MSRA: variants seen among roughly 807,000 people sequenced by gnomAD.
The protein encoded by MSRA is mitochondrial peptide methionine sulfoxide reductase.
MSRA carries 54 observed loss-of-function variants against 31.3 expected under a neutral mutation model. That is an observed-to-expected ratio of 1.73 (90% confidence interval 1.39 to 2.17). MSRA has a LOEUF of 2.17. Ranked by LOEUF, MSRA falls within the 30% of genes most tolerant of loss-of-function variation. MSRA has a pLI of 0.00. For synonymous variants in MSRA, 169 were observed against 116.5 expected, an observed-to-expected ratio of 1.45 and a Z score of -2.90; for missense variants, 507 against 300.9, an observed-to-expected ratio of 1.69 and a Z score of -5.07.
rs976013928 is a variant in MSRA, at chr8:10,125,901, C to G, written c.142+71243C>G. Reference sequence around the variant, plus strand: ...CTCCTAGTGCCTTTTGGCCATTTTACACTAAGACAAAACCACTAACTGCTT... The same window carrying G: ...CTCCTAGTGCCTTTTGGCCATTTTAGACTAAGACAAAACCACTAACTGCTT... On this transcript the variant is annotated intron_variant, in intron 1 of 5. Transcript: ENST00000317173. 3.3e-5 allele frequency among the ~76,000 whole-genome samples: 5 copies of G among 152,106 alleles called. No individual in the cohort carries two copies. The South Asian group carries it at 8.3e-4, about 25-fold the overall frequency.
intron 5 of MSRA, among the ~76,000 whole-genome samples, chr8:10,412,607 A>G (rs1233780490): frequency 6.6e-6 from 1 of 152,218 alleles, no homozygotes; most frequent in Non-Finnish European, 1.5e-5. Flanking sequence ...AATACAAGCA[A>G]ATCACCTGAT....
intron 5 of MSRA, among the ~76,000 whole-genome samples, chr8:10,378,890 T>C (rs1054317602): frequency 3.3e-5 from 5 of 152,204 alleles, no homozygotes; most frequent in African/African-American, 1.2e-4. Flanking sequence ...CCATATCTTA[T>C]TAAAACACCA....
At chr8:10,113,828 G>A (rs898761400) in intron 1 of MSRA, among the ~76,000 whole-genome samples, 5 of 151,840 alleles carry the variant, frequency 3.3e-5, no homozygotes, top group Admixed American at 6.6e-5. Context: ...ATACTGTAGA[G>A]TTCTCCATTT....
At chr8:10,103,237 T>G (rs1460454087) in intron 1 of MSRA, among the ~76,000 whole-genome samples, 1 of 152,182 alleles carries the variant, frequency 6.6e-6, no homozygotes, top group East Asian at 1.9e-4. Context: ...ATATTAAAAA[T>G]AGTCAGAAGA....
At chr8:10,285,943 G>A (rs1334548757) in intron 3 of MSRA, among the ~76,000 whole-genome samples, 1 of 152,098 alleles carries the variant, frequency 6.6e-6, no homozygotes, top group Non-Finnish European at 1.5e-5. Flanking sequence ...AAGATAAAGT[G>A]CAATTGGCCT....
In MSRA at chr8:10,390,507, C is replaced by T. The variant is rs866022513; in HGVS notation, c.544-37641C>T. ...CCCGCCCACCACGGGAAGCCAGGGG[C>T]ATCCTGTGCACATTTATGACAGGAT... On this transcript the variant is annotated intron_variant, in intron 5 of 5. Coordinates refer to ENST00000317173, the MANE Select transcript of MSRA (RefSeq NM_012331.5). Among the ~76,000 whole-genome samples, 5 of 152,342 alleles carry T rather than the reference C, an allele frequency of 3.3e-5. No individual in the cohort carries two copies. In the South Asian group the frequency reaches 8.3e-4, roughly 25 times the overall value.
intron 5 of MSRA, among the ~76,000 whole-genome samples, chr8:10,335,992 C>T (rs1406815832): frequency 6.6e-6 from 1 of 152,118 alleles, no homozygotes; most frequent in Non-Finnish European, 1.5e-5. Flanking sequence ...TCCATTCTGT[C>T]ACTGGGCCAG....
chr8:10,422,572 A>C (rs1202372325), intron 5 of MSRA, among the ~76,000 whole-genome samples: 1 of 152,156 alleles, frequency 6.6e-6, no homozygotes, highest in Non-Finnish European at 1.5e-5. Context: ...ACTTCTTTCT[A>C]AAAGGTCAGC....
intron 2 of MSRA, among the ~76,000 whole-genome samples, chr8:10,228,860 C>G (rs553682108): frequency 1.0e-3 from 154 of 152,296 alleles, no homozygotes; most frequent in African/African-American, 2.6e-3. Flanking sequence ...TGGATACAAA[C>G]TCATTTATTC....
At chr8:10,067,135 C>T (rs185414145) in intron 1 of MSRA, among the ~76,000 whole-genome samples, 33 of 152,296 alleles carry the variant, frequency 2.2e-4, no homozygotes, top group Middle Eastern at 3.4e-3. Flanking sequence ...AGAATGCCTT[C>T]ACTGCCTTAA....
intron 1 of MSRA, among the ~76,000 whole-genome samples, chr8:10,083,139 A>AT (rs537635238): frequency 6.6e-6 from 1 of 152,088 alleles, no homozygotes; most frequent in Admixed American, 6.5e-5. Flanking sequence ...ACTCAGATAC[A>AT]TTTTTTTCTG....
At chr8:10,126,971 G>A (rs1043878756) in intron 1 of MSRA, among the ~76,000 whole-genome samples, 3 of 152,208 alleles carry the variant, frequency 2.0e-5, no homozygotes, top group Non-Finnish European at 4.4e-5. Flanking sequence ...CTCCTGCTGT[G>A]CGGCCTGGTT....
At chr8:10,365,909 C>T (rs1350434405) in intron 5 of MSRA, among the ~76,000 whole-genome samples, 1 of 152,212 alleles carries the variant, frequency 6.6e-6, no homozygotes, top group Non-Finnish European at 1.5e-5. Flanking sequence ...CCATCCCTTC[C>T]TACCTCTGCA....
rs972310626 is a variant in MSRA, at chr8:10,256,895, A to T, written c.331+11672A>T. On this transcript the variant is annotated intron_variant, in intron 3 of 5. Coordinates refer to ENST00000317173, the MANE Select transcript of MSRA (RefSeq NM_012331.5). ...TCCTGCCCTCCTTCTCCTGCCCCAAATGGCTACCAAGGTGGGTCCAGAAGA... is the reference window on the plus strand; with the variant it reads ...TCCTGCCCTCCTTCTCCTGCCCCAATTGGCTACCAAGGTGGGTCCAGAAGA... Among the ~76,000 whole-genome samples, 11 of 152,248 alleles carry T rather than the reference A, an allele frequency of 7.2e-5. 1 individual carries two copies. Among genetic ancestry groups the T allele is most frequent in the African/African-American group, 2.6e-4 (11 of 41,546 alleles).
intron 2 of MSRA, among the ~76,000 whole-genome samples, chr8:10,228,799 C>G (rs1391505267): frequency 6.6e-6 from 1 of 152,178 alleles, no homozygotes; most frequent in African/African-American, 2.4e-5. Flanking sequence ...AGGGTTATCA[C>G]CGGATTCCAC....
At chr8:10,417,925 T>G (rs1206157665) in intron 5 of MSRA, among the ~76,000 whole-genome samples, 1 of 152,112 alleles carries the variant, frequency 6.6e-6, no homozygotes, top group African/African-American at 2.4e-5. Context: ...CTGCTGCCGC[T>G]AGAGGGCGAA....
At position 10,428,258 on chromosome 8, in the gene MSRA, C is replaced by G. The variant is rs1309940486; in HGVS notation, c.654C>G (p.Gly218=). 6.2e-7 allele frequency: 1 copy of G among 1,614,224 alleles called. No individual in the cohort carries two copies. The highest frequency in any genetic ancestry group is 1.1e-5 in the South Asian group (1 of 91,090). ...AGTACCTGAGCAAGAACCCCAATGG[C>G]TACTGCGGCCTTGGGGGCACCGGCG... is the stretch of plus-strand genomic sequence containing the variant. ...HQQYLSKNPN[G]YCGLGGTGVS... is the part of the protein sequence containing the mutation. Residue 218 remains glycine, a synonymous_variant, in exon 6 of 6, where the codon GGC becomes GGG. Transcript: ENST00000317173.
chr8:10,186,582 T>C (rs1425972373), intron 1 of MSRA, among the ~76,000 whole-genome samples: 1 of 152,244 alleles, frequency 6.6e-6, no homozygotes, highest in Non-Finnish European at 1.5e-5. Flanking sequence ...TCCCCTGTTC[T>C]ATAACTAATT....
intron 1 of MSRA, among the ~76,000 whole-genome samples, chr8:10,136,054 A>AG (rs5889320): frequency 0.22 from 33,035 of 152,078 alleles, 4,707 homozygotes; most frequent in East Asian, 0.57. Flanking sequence ...GCTGGGACTT[A>AG]GGCCTGTGTG....
Sources: allele counts gnomAD v4.1 joint callset (sites outside exome capture counted in the v4.1 genomes callset), GRCh38; gene constraint gnomAD v4.1.1; transcripts MANE v1.5; gene names NCBI Gene and HGNC (gene_info 2026-07-23, HGNC 2026-07-21).